The following DLG2 variants were observed in gnomAD, a reference collection of about 807,000 sequenced individuals.
The protein encoded by DLG2 is disks large homolog 2.
Under a neutral mutation model 132.5 loss-of-function variants are expected in DLG2, and 45 were observed. That is an observed-to-expected ratio of 0.34 (90% CI 0.27 to 0.44). The LOEUF is 0.44. Among genes scored for constraint, DLG2 ranks in the 20% least tolerant of loss-of-function variants. The pLI is 1.00. For missense variants in DLG2, 1,045 were observed against 1,196.9 expected (o/e 0.87, Z 1.87); for synonymous variants, 424 against 419.6 (o/e 1.01, Z -0.13).
intron 11 of DLG2, among the ~76,000 whole-genome samples, chr11:84,002,123 C>T (rs1020949211): frequency 2.0e-5 from 3 of 152,066 alleles, no homozygotes; most frequent in African/African-American, 7.2e-5. Context: ...AACAAAATGA[C>T]ATATTGGTTC....
intron 3 of DLG2, among the ~76,000 whole-genome samples, chr11:85,472,744 G>A (rs145491302): frequency 9.2e-5 from 14 of 152,286 alleles, no homozygotes; most frequent in East Asian, 5.8e-4. Context: ...TATAGCCCCC[G>A]TGTACTCCAC....
intron 7 of DLG2, among the ~76,000 whole-genome samples, chr11:84,467,814 A>T (rs2099098389): frequency 6.6e-6 from 1 of 151,526 alleles, no homozygotes; most frequent in Admixed American, 6.6e-5. Context: ...TAAAATTACT[A>T]TGTCTGCAAC....
intron 6 of DLG2, among the ~76,000 whole-genome samples, chr11:84,762,496 G>T (rs1424140320): frequency 6.6e-6 from 1 of 152,164 alleles, no homozygotes; most frequent in African/African-American, 2.4e-5. Flanking sequence ...CTTAGGTCAG[G>T]TCAGAGGGAG....
At chr11:83,748,978 T>C (rs2093118174) in intron 18 of DLG2, among the ~76,000 whole-genome samples, 1 of 152,224 alleles carries the variant, frequency 6.6e-6, no homozygotes, top group Admixed American at 6.5e-5. Context: ...TCTAACATTT[T>C]ATGGGAAAAA....
At chr11:83,557,425 G>T (rs886879234) in intron 19 of DLG2, among the ~76,000 whole-genome samples, 8 of 152,164 alleles carry the variant, frequency 5.3e-5, no homozygotes, top group African/African-American at 1.4e-4. Context: ...CCTAAGTTTG[G>T]AGTGATAACT....
chr11:85,522,801 G>A (rs113729417), intron 3 of DLG2, among the ~76,000 whole-genome samples: 1,730 of 152,268 alleles, frequency 0.011, 28 homozygotes, highest in African/African-American at 0.039. Flanking sequence ...TTTACCCAAT[G>A]CCTGTACCCC....
At chr11:85,117,617 A>C (rs899749771) in intron 5 of DLG2, among the ~76,000 whole-genome samples, 1 of 151,600 alleles carries the variant, frequency 6.6e-6, no homozygotes, top group Non-Finnish European at 1.5e-5. Flanking sequence ...AATAGAAAAA[A>C]AAAAAAAAGT....
At chr11:85,231,783 T>C (rs1175431301) in intron 4 of DLG2, among the ~76,000 whole-genome samples, 1 of 151,942 alleles carries the variant, frequency 6.6e-6, no homozygotes, top group East Asian at 1.9e-4. Context: ...CGCATGAATT[T>C]TGGGTGGTGT....
intron 7 of DLG2, among the ~76,000 whole-genome samples, chr11:84,493,564 A>C (rs144155581): frequency 7.2e-5 from 11 of 152,044 alleles, no homozygotes; most frequent in African/African-American, 2.2e-4. Context: ...CAGAAAAATG[A>C]CCCCTCAAGG....
intron 6 of DLG2, among the ~76,000 whole-genome samples, chr11:84,739,227 A>G (rs938823926): frequency 3.3e-5 from 5 of 152,230 alleles, no homozygotes; most frequent in Non-Finnish European, 7.3e-5. Context: ...TATAGATTAA[A>G]TATCTTAGGT....
intron 11 of DLG2, among the ~76,000 whole-genome samples, chr11:84,020,457 T>C (rs1274073822): frequency 6.6e-6 from 1 of 152,144 alleles, no homozygotes; most frequent in Non-Finnish European, 1.5e-5. Flanking sequence ...TTAATTAATA[T>C]TATACACACA....
chr11:84,701,989 T>C (rs1483445148), intron 6 of DLG2, among the ~76,000 whole-genome samples: 17 of 151,670 alleles, frequency 1.1e-4, no homozygotes, highest in Admixed American at 6.6e-5. Flanking sequence ...CCAAATCCCA[T>C]GTTTTTCTCA....
Position 84,171,381 on chromosome 11 carries a change from T to C in DLG2, c.574-7870A>G, listed in dbSNP as rs1300389047. On this transcript the variant is annotated intron_variant, in intron 8 of 27. Coordinates refer to ENST00000376104, the MANE Select transcript of DLG2 (RefSeq NM_001142699.3). ...ACTGTATCTATTGGGTAATTTCTTA[T>C]CCCTCATTCCATTCCCACCTTCTCA... Among the ~76,000 whole-genome samples the C allele has an allele frequency of 3.3e-5, 5 of 152,266 alleles. No homozygotes were observed. The South Asian group carries it at 1.0e-3, about 32-fold the overall frequency.
intron 6 of DLG2, among the ~76,000 whole-genome samples, chr11:84,924,610 A>G (rs1482137164): frequency 1.3e-5 from 2 of 152,294 alleles, no homozygotes; most frequent in Admixed American, 1.3e-4. Flanking sequence ...AGGATTTTCT[A>G]TTTCTCTCTT....
intron 8 of DLG2, among the ~76,000 whole-genome samples, chr11:84,185,357 A>T (rs1285202913): frequency 6.6e-6 from 1 of 152,066 alleles, no homozygotes; most frequent in Non-Finnish European, 1.5e-5. Context: ...TTCACTCATG[A>T]TTTGGCTCTC....
intron 6 of DLG2, among the ~76,000 whole-genome samples, chr11:84,637,210 G>A (rs2099642126): frequency 6.6e-6 from 1 of 152,116 alleles, no homozygotes; most frequent in Non-Finnish European, 1.5e-5. Context: ...AGTCAGATAA[G>A]GCCACCTCGA....
chr11:85,364,407 T>A (rs2084381350), intron 3 of DLG2, among the ~76,000 whole-genome samples: 1 of 152,162 alleles, frequency 6.6e-6, no homozygotes. Flanking sequence ...TAACTAATAA[T>A]TGACAGGGAT....
intron 7 of DLG2, among the ~76,000 whole-genome samples, chr11:84,497,389 C>T (rs971484782): frequency 1.3e-5 from 2 of 152,100 alleles, no homozygotes; most frequent in African/African-American, 4.8e-5. Flanking sequence ...CAACTGTACC[C>T]TATGGACCCT....
chr11:84,892,845 C>T (rs902618477), intron 6 of DLG2, among the ~76,000 whole-genome samples: 5 of 152,094 alleles, frequency 3.3e-5, no homozygotes, highest in African/African-American at 1.2e-4. Context: ...TACTTGCCAA[C>T]CCTAGCAACT....
Sources: allele counts gnomAD v4.1 joint callset (sites outside exome capture counted in the v4.1 genomes callset), GRCh38; gene constraint gnomAD v4.1.1; transcripts MANE v1.5; gene names NCBI Gene and HGNC (gene_info 2026-07-23, HGNC 2026-07-21).